CTNNA2: variants seen among roughly 807,000 people sequenced by gnomAD.
CTNNA2 encodes catenin alpha-2.
Under a neutral mutation model 101.0 loss-of-function variants are expected in CTNNA2, and 42 were observed. The observed-to-expected ratio is 0.42, with a 90% CI of 0.32 to 0.54. CTNNA2 has a LOEUF of 0.54. Ranked by LOEUF, CTNNA2 falls within the 20% of genes least tolerant of loss-of-function variation. The pLI is 0.14. For synonymous variants in CTNNA2, 450 were observed against 456.4 expected (o/e 0.99, Z 0.18); for missense variants, 871 against 1,223.1 (o/e 0.71, Z 4.29).
chr2:79,447,907 T>A (rs1558668878), intron 4 of CTNNA2, among the ~76,000 whole-genome samples: 1 of 152,018 alleles, frequency 6.6e-6, no homozygotes, highest in Non-Finnish European at 1.5e-5. Flanking sequence ...AAGTTAAATA[T>A]CAGTCCCACC....
At chr2:80,037,485 C>T (rs1252966875) in intron 7 of CTNNA2, among the ~76,000 whole-genome samples, 2 of 152,104 alleles carry the variant, frequency 1.3e-5, no homozygotes, top group Non-Finnish European at 2.9e-5. Context: ...TTGTTGACTA[C>T]TGAGGAGGAA....
chr2:79,539,901 C>CT, intron 1 of CTNNA2, among the ~76,000 whole-genome samples: 1 of 152,238 alleles, frequency 6.6e-6, no homozygotes, highest in South Asian at 2.1e-4. Context: ...TTTGGAAGGT[C>CT]TTTCTGTGAC....
At chr2:79,850,735 A>G (rs549172428) in intron 3 of CTNNA2, among the ~76,000 whole-genome samples, 2 of 152,300 alleles carry the variant, frequency 1.3e-5, no homozygotes, top group South Asian at 4.1e-4. Context: ...TTCCTCAGAT[A>G]GAAAGGGTGA....
intron 2 of CTNNA2, among the ~76,000 whole-genome samples, chr2:79,211,702 T>A (rs1674176049): frequency 6.6e-6 from 1 of 152,174 alleles, no homozygotes; most frequent in African/African-American, 2.4e-5. Flanking sequence ...CATCTGGATG[T>A]GTACGTGCAG....
At chr2:79,901,212 GTT>G (rs144702167) in intron 6 of CTNNA2, among the ~76,000 whole-genome samples, 2 of 143,274 alleles carry the variant, frequency 1.4e-5, no homozygotes, top group Non-Finnish European at 1.5e-5. Context: ...TTCTCTTTCA[GTT>G]TTTTTTTTTT....
chr2:79,553,057 C>T (rs1674211709), intron 1 of CTNNA2, among the ~76,000 whole-genome samples: 1 of 152,154 alleles, frequency 6.6e-6, no homozygotes, highest in Non-Finnish European at 1.5e-5. Flanking sequence ...TGCAAATTTT[C>T]CAAACTTTTA....
chr2:79,501,728 A>C (rs1233688235), intron 4 of CTNNA2, among the ~76,000 whole-genome samples: 1 of 152,158 alleles, frequency 6.6e-6, no homozygotes, highest in African/African-American at 2.4e-5. Flanking sequence ...CTAAAAGTGA[A>C]AATTCCAGAA....
chr2:80,103,827 C>T (rs368333780), intron 7 of CTNNA2, among the ~76,000 whole-genome samples: 2 of 152,160 alleles, frequency 1.3e-5, no homozygotes, highest in African/African-American at 2.4e-5. Context: ...CTCTGCCTCC[C>T]GGGTTCAAGT....
chr2:80,306,855 A>AATT (rs770983195), intron 7 of CTNNA2, among the ~76,000 whole-genome samples: 4 of 151,974 alleles, frequency 2.6e-5, no homozygotes, highest in African/African-American at 7.2e-5. Flanking sequence ...AGGCTGCCAA[A>AATT]TGGGCAAGAA....
chr2:80,381,243 C>G (rs1397507819), intron 7 of CTNNA2, among the ~76,000 whole-genome samples: 1 of 151,728 alleles, frequency 6.6e-6, no homozygotes. Flanking sequence ...GAGCACAGAG[C>G]TTGATAAGCT....
At chr2:79,566,657 A>C (rs1206781648) in intron 1 of CTNNA2, among the ~76,000 whole-genome samples, 1 of 152,178 alleles carries the variant, frequency 6.6e-6, no homozygotes, top group Non-Finnish European at 1.5e-5. Context: ...GAGTGAAAGA[A>C]AATACAATAC....
chr2:79,850,777 T>A (rs1680642599), intron 3 of CTNNA2, among the ~76,000 whole-genome samples: 1 of 152,190 alleles, frequency 6.6e-6, no homozygotes, highest in Admixed American at 6.5e-5. Context: ...CAGATTCTCT[T>A]CAGTAGTAAA....
In CTNNA2 at chr2:79,743,408, C is replaced by T. The variant is rs577468353; in HGVS notation, c.103-979C>T. Among the ~76,000 whole-genome samples, 10 of 152,182 alleles carry T rather than the reference C, an allele frequency of 6.6e-5. No homozygotes were observed. In the South Asian group the frequency reaches 2.1e-3, roughly 32 times the overall value. ...TGAGATAGGTGTCCAAATTATGATA[C>T]TTAGAAAAAGAGTAATAATAGATTC... On this transcript the variant is annotated intron_variant, in intron 2 of 18. Coordinates refer to ENST00000402739, the MANE Select transcript of CTNNA2 (RefSeq NM_001282597.3).
chr2:79,777,892 GTTTTTTT>G (rs58015801), intron 3 of CTNNA2, among the ~76,000 whole-genome samples: 1 of 139,776 alleles, frequency 7.2e-6, no homozygotes, highest in South Asian at 2.3e-4. Flanking sequence ...TTTGCATGGG[GTTTTTTT>G]TTTTTTTTTG....
Position 80,325,157 on chromosome 2 carries a change from C to T in CTNNA2, c.1057-68054C>T, listed in dbSNP as rs766261092. ...AATAAATGAATGAAAGACTATGTCA[C>T]TTGCCAAGTGAGGTTTTTCAGACAT... On this transcript the variant is annotated intron_variant, in intron 7 of 18. Transcript: ENST00000402739. Among the ~76,000 whole-genome samples, 47 of 152,244 alleles carry T rather than the reference C, an allele frequency of 3.1e-4. 1 individual carries two copies. The highest frequency in any genetic ancestry group is 6.0e-4 in the Non-Finnish European group (41 of 68,004).
chr2:79,754,845 C>T lies in CTNNA2; in HGVS notation c.298+10263C>T, dbSNP rs188816017. ...TAAGATTTCACTCCTGTATGGGGAGCGGAGGGGATGTTTCCACTGAAGGAG... is the reference window on the plus strand; with the variant it reads ...TAAGATTTCACTCCTGTATGGGGAGTGGAGGGGATGTTTCCACTGAAGGAG... On this transcript the variant is annotated intron_variant, in intron 3 of 18. Coordinates refer to ENST00000402739, the MANE Select transcript of CTNNA2 (RefSeq NM_001282597.3). 9.2e-5 allele frequency among the ~76,000 whole-genome samples: 14 copies of T among 151,918 alleles called. No individual in the cohort carries two copies. The East Asian group carries it at 1.4e-3, about 15-fold the overall frequency.
intron 1 of CTNNA2, among the ~76,000 whole-genome samples, chr2:79,637,697 G>A (rs574852589): frequency 2.0e-5 from 3 of 152,244 alleles, no homozygotes; most frequent in African/African-American, 4.8e-5. Flanking sequence ...ACATATTTCT[G>A]TGAAGTTTCT....
chr2:79,850,912 C>A (rs11896589), intron 3 of CTNNA2, among the ~76,000 whole-genome samples: 3,121 of 152,242 alleles, frequency 0.021, 141 homozygotes, highest in African/African-American at 0.071. Context: ...TAGATACAGC[C>A]TAATGAGATC....
At chr2:79,739,765 C>T (rs969481346) in intron 2 of CTNNA2, among the ~76,000 whole-genome samples, 1 of 152,200 alleles carries the variant, frequency 6.6e-6, no homozygotes. Flanking sequence ...AGCAATTGGG[C>T]CACCTTGTGG....
Sources: allele counts gnomAD v4.1 joint callset (sites outside exome capture counted in the v4.1 genomes callset), GRCh38; gene constraint gnomAD v4.1.1; transcripts MANE v1.5; gene names NCBI Gene and HGNC (gene_info 2026-07-23, HGNC 2026-07-21).